CFAP47: variants seen among roughly 807,000 people sequenced by gnomAD.
CFAP47 encodes the protein cilia- and flagella-associated protein 47.
CFAP47 carries 29 observed loss-of-function variants against 148.1 expected under a neutral mutation model. That is an observed-to-expected ratio of 0.20 (90% CI 0.15 to 0.27). The LOEUF (loss-of-function observed/expected upper bound fraction) is 0.27. Among genes scored for constraint, CFAP47 ranks in the 10% least tolerant of loss-of-function variants. The pLI, the probability that CFAP47 is intolerant of heterozygous loss-of-function variation, is 1.00. For synonymous variants in CFAP47, 664 were observed against 577.3 expected (o/e 1.15, Z -2.15); for missense variants, 1,872 against 1,697.5 (o/e 1.10, Z -1.81).
intron 40 of CFAP47, among the ~76,000 whole-genome samples, chrX:36,186,372 A>C (rs1392141037): frequency 9.0e-6 from 1 of 111,593 alleles, no homozygotes; most frequent in Non-Finnish European, 1.9e-5. Context: ...AAGGTGGTGC[A>C]AAAAACAGCA....
intron 45 of CFAP47, among the ~76,000 whole-genome samples, chrX:36,219,431 A>G (rs2146894472): frequency 9.0e-6 from 1 of 111,367 alleles, no homozygotes; most frequent in East Asian, 2.8e-4. Context: ...TGGTAATTCA[A>G]TGTTTCAGGT....
In CFAP47 at chrX:36,182,907, A is replaced by G. The variant is rs192732698; in HGVS notation, c.6104+3485A>G. Among the ~76,000 whole-genome samples the G allele has an allele frequency of 8.0e-5, 9 of 112,739 alleles. No individual in the cohort carries two copies. In the East Asian group the frequency reaches 2.5e-3, roughly 31 times the overall value. On this transcript the variant is annotated intron_variant, in intron 40 of 63. Transcript: ENST00000378653. ...ACATATAGCCTATTTGGCCAATGGTATGTGAGGAGAAGTGCTGTATGTTAT... is the reference window on the plus strand; with the variant it reads ...ACATATAGCCTATTTGGCCAATGGTGTGTGAGGAGAAGTGCTGTATGTTAT...
At chrX:36,262,372 C>T (rs1459108622) in intron 49 of CFAP47, among the ~76,000 whole-genome samples, 2 of 111,775 alleles carry the variant, frequency 1.8e-5, no homozygotes, top group Non-Finnish European at 3.8e-5. Context: ...CAACCCCCCA[C>T]TACCCTTCCC....
At chrX:36,002,945 T>C (rs1012923032) in intron 21 of CFAP47, among the ~76,000 whole-genome samples, 2 of 111,521 alleles carry the variant, frequency 1.8e-5, no homozygotes, top group Middle Eastern at 4.5e-3. Context: ...TAGAAAATGA[T>C]AAAGATTAAT....
intron 33 of CFAP47, among the ~76,000 whole-genome samples, chrX:36,119,083 C>T (rs1820767313): frequency 9.0e-6 from 1 of 111,561 alleles, no homozygotes; most frequent in African/African-American, 3.3e-5. Flanking sequence ...TGTCTGATTA[C>T]CCTAGCTAGG....
At chrX:36,165,790 A>G (rs1422448461) in intron 39 of CFAP47, among the ~76,000 whole-genome samples, 3 of 111,278 alleles carry the variant, frequency 2.7e-5, no homozygotes, top group Non-Finnish European at 5.7e-5. Context: ...GCCTACAGAT[A>G]GTTGTCTCCT....
intron 56 of CFAP47, among the ~76,000 whole-genome samples, chrX:36,313,450 C>T (rs1941410134): frequency 9.0e-6 from 1 of 110,947 alleles, no homozygotes; most frequent in Admixed American, 9.6e-5. Context: ...GCCCCATAAT[C>T]CAATCAGTTC....
chrX:36,293,067 G>A (rs1417734217), intron 51 of CFAP47, among the ~76,000 whole-genome samples: 1 of 110,633 alleles, frequency 9.0e-6, no homozygotes, highest in Non-Finnish European at 1.9e-5. Context: ...TGATATTCCT[G>A]CCACTGTTCT....
chrX:36,072,138 A>G (rs1937766665), intron 28 of CFAP47, among the ~76,000 whole-genome samples, 167 bp downstream of exon 28: 1 of 111,965 alleles, frequency 8.9e-6, no homozygotes, highest in Non-Finnish European at 1.9e-5. Context: ...AGTTGTCTTC[A>G]AGGGTCAATA....
At chrX:36,383,306 G>A (rs1164861564) in intron 63 of CFAP47, among the ~76,000 whole-genome samples, 3 of 112,023 alleles carry the variant, frequency 2.7e-5, no homozygotes, top group African/African-American at 9.7e-5. Context: ...TACCCACTAA[G>A]TGCTGAATAA....
intron 26 of CFAP47, among the ~76,000 whole-genome samples, chrX:36,064,759 T>G: frequency 8.9e-6 from 1 of 111,825 alleles, no homozygotes; most frequent in Non-Finnish European, 1.9e-5. Context: ...TAAGGTGATA[T>G]AGATATAAAA....
intron 56 of CFAP47, among the ~76,000 whole-genome samples, chrX:36,316,494 A>G (rs1358610608): frequency 1.8e-5 from 2 of 112,145 alleles, no homozygotes; most frequent in Non-Finnish European, 3.8e-5. Flanking sequence ...AGTATCAGGA[A>G]GAATGGTTGC....
chrX:36,039,101 C>T lies in CFAP47; in HGVS notation c.3929C>T (p.Pro1310Leu). 9.1e-7 allele frequency: 1 copy of T among 1,103,970 alleles called. No individual in the cohort carries two copies. Among genetic ancestry groups the T allele is most frequent in the Middle Eastern group, 2.4e-4 (1 of 4,130 alleles). The allele number at this position is 1,103,970 out of a possible 1,213,427, so 91.0% of individuals were successfully genotyped here. The change falls in exon 25 of 64, where the codon CCA (proline) becomes CTA (leucine). Residue 1310 changes from proline to leucine, a missense_variant. Coordinates refer to ENST00000378653, the MANE Select transcript of CFAP47 (RefSeq NM_001304548.2). ...VKSPELLFDPPFIFFTPVPLD... is the reference protein window; with the variant it reads ...VKSPELLFDPLFIFFTPVPLD... ...TCACCAGAGTTATTGTTTGACCCTCCATTTATATTTTTCACTCCTGTTCCT... is the reference window on the plus strand; with the variant it reads ...TCACCAGAGTTATTGTTTGACCCTCTATTTATATTTTTCACTCCTGTTCCT...
At chrX:35,996,941 G>A (rs1162983159) in intron 18 of CFAP47, among the ~76,000 whole-genome samples, 3 of 111,760 alleles carry the variant, frequency 2.7e-5, no homozygotes, top group Non-Finnish European at 3.8e-5. Context: ...TCTAGGGGAA[G>A]ATATATACTG....
At chrX:36,182,014 G>C (rs1324668764) in intron 40 of CFAP47, among the ~76,000 whole-genome samples, 2 of 112,151 alleles carry the variant, frequency 1.8e-5, no homozygotes, top group Admixed American at 9.5e-5. Context: ...AAGTTACTAT[G>C]GCTCCTTCAT....
intron 3 of CFAP47, among the ~76,000 whole-genome samples, chrX:35,943,635 A>G (rs1448428281): frequency 2.7e-5 from 3 of 111,406 alleles, no homozygotes; most frequent in African/African-American, 9.8e-5. Flanking sequence ...TGGTGTCTCT[A>G]ATGTTAGTAC....
intron 21 of CFAP47, among the ~76,000 whole-genome samples, chrX:36,002,122 AT>A (rs1257666085): frequency 1.8e-5 from 2 of 111,208 alleles, no homozygotes; most frequent in Non-Finnish European, 3.8e-5. Context: ...CTCCTTTTAT[AT>A]TGTACCCCTT....
intron 53 of CFAP47, among the ~76,000 whole-genome samples, chrX:36,302,374 T>C (rs1556007978): frequency 1.8e-5 from 2 of 111,248 alleles, no homozygotes; most frequent in Non-Finnish European, 3.8e-5. Flanking sequence ...AAAATGGTGC[T>C]TTATTTGAAT....
chrX:36,357,558 G>T (rs1161120354), intron 60 of CFAP47, among the ~76,000 whole-genome samples: 1 of 112,139 alleles, frequency 8.9e-6, no homozygotes, highest in African/African-American at 3.2e-5. Flanking sequence ...ATACTCTGTT[G>T]TTAAGGTTTT....
Sources: gnomAD v4.1 joint callset for allele counts (sites outside exome capture counted in the v4.1 genomes callset) on GRCh38, gnomAD v4.1.1 for gene constraint, MANE v1.5 for transcripts, NCBI Gene and HGNC (gene_info 2026-07-23, HGNC 2026-07-21) for gene names.